Variants in PRH1 observed in about 807,000 individuals in gnomAD.
PRH1 encodes proline rich protein HaeIII subfamily 1.
In PRH1, 7 loss-of-function variants were observed where a neutral mutation model predicts 7.9. That is an observed-to-expected ratio of 0.89 (90% CI 0.50 to 1.67). The LOEUF (loss-of-function observed/expected upper bound fraction) is 1.67. Ranked by LOEUF, PRH1 falls within the 40% of genes most tolerant of loss-of-function variation. The probability of loss-of-function intolerance (pLI) is 0.00; values close to 1 mark genes in which losing one functional copy is unlikely to be tolerated. For missense variants in PRH1, 109 were observed against 223.6 expected, an observed-to-expected ratio of 0.49 and a Z score of 3.27; for synonymous variants, 45 against 80.8, an observed-to-expected ratio of 0.56 and a Z score of 2.38.
At chr12:10,886,167 A>G (rs1292203517), upstream of PRH1, among the ~76,000 whole-genome samples, 1 of 152,096 alleles carries the variant, frequency 6.6e-6, no homozygotes, top group African/African-American at 2.4e-5. Context: ...CGTTATGGAG[A>G]TTATTGTCTC....
rs1243522349 is a variant in PRH1 at position 11,083,049 on chromosome 12, T to C, written n.124-35861A>G. ...CAAAAAATTTGTAATATCAAAATAT[T>C]TTTTCACACATGTGTACACATGCAT... is the stretch of plus-strand genomic sequence containing the variant. On this transcript the variant is annotated intron_variant and non_coding_transcript_variant, in intron 1 of 4. Coordinates refer to the PRH1 transcript ENST00000541977. 2.6e-5 allele frequency among the ~76,000 whole-genome samples: 3 copies of C among 115,388 alleles called. 1 individual carries two copies. The highest frequency in any genetic ancestry group is 8.6e-5 in the African/African-American group (3 of 34,700). The allele number at this position is 115,388 out of a possible 152,430, so 75.7% of individuals were successfully genotyped here.
At chr12:10,997,023 T>C in intron 1 of PRH1, 3 of 1,614,038 alleles carry the variant, frequency 1.9e-6, no homozygotes, top group Non-Finnish European at 2.5e-6. Flanking sequence ...TGCTTTAGCG[T>C]CTTGTTCCCC....
chr12:10,986,604 T>C (rs760877503), intron 1 of PRH1: 1 of 1,614,026 alleles, frequency 6.2e-7, no homozygotes, highest in East Asian at 2.2e-5. Flanking sequence ...AACCCAGGCA[T>C]TATAAGAAGT....
chr12:11,090,110 G>A (rs375182912), intron 1 of PRH1, among the ~76,000 whole-genome samples: 2 of 107,802 alleles, frequency 1.9e-5, no homozygotes, highest in Non-Finnish European at 4.5e-5. Context: ...GCTGTGAACA[G>A]GACTGTACAT....
chr12:11,156,309 T>C (rs1263050960), intron 1 of PRH1, among the ~76,000 whole-genome samples: 3 of 152,242 alleles, frequency 2.0e-5, no homozygotes, highest in Non-Finnish European at 4.4e-5. Context: ...TATTGGTCTT[T>C]GGTTTCCTGT....
intron 2 of PRH1, among the ~76,000 whole-genome samples, chr12:10,945,202 T>G (rs767265190): frequency 6.6e-6 from 1 of 152,190 alleles, no homozygotes; most frequent in South Asian, 2.1e-4. Flanking sequence ...TTTGGGTTCA[T>G]AGGCTATTTA....
upstream of PRH1, among the ~76,000 whole-genome samples, chr12:11,049,495 T>G (rs557394585): frequency 4.9e-4 from 74 of 152,400 alleles, no homozygotes; most frequent in African/African-American, 1.8e-3. Context: ...TCAAATTCAC[T>G]CCTCTTCATA....
At chr12:11,025,372 C>A (rs1392310373) in intron 1 of PRH1, among the ~76,000 whole-genome samples, 4 of 53,082 alleles carry the variant, frequency 7.5e-5, no homozygotes, top group African/African-American at 1.7e-4. Flanking sequence ...AGACATGATT[C>A]CCATTAATCC....
chr12:10,910,964 A>C (rs2135828606), intron 2 of PRH1, among the ~76,000 whole-genome samples: 1 of 152,330 alleles, frequency 6.6e-6, no homozygotes, highest in African/African-American at 2.4e-5. Context: ...ATAACTTAAA[A>C]TAGGTAGATA....
At chr12:11,154,623 C>T (rs1232753627) in intron 1 of PRH1, among the ~76,000 whole-genome samples, 1 of 152,262 alleles carries the variant, frequency 6.6e-6, no homozygotes, top group East Asian at 1.9e-4. Context: ...TGAAGTCACC[C>T]AGGGAATCTC....
At chr12:11,003,220 G>A (rs553941479) in intron 1 of PRH1, among the ~76,000 whole-genome samples, 1 of 151,604 alleles carries the variant, frequency 6.6e-6, no homozygotes, top group South Asian at 2.1e-4. Context: ...CTCTAATTAC[G>A]ATGGTACATG....
At chr12:11,068,868 T>C (rs1335846589) in intron 1 of PRH1, among the ~76,000 whole-genome samples, 4 of 151,656 alleles carry the variant, frequency 2.6e-5, no homozygotes, top group Non-Finnish European at 5.9e-5. Flanking sequence ...AAAATATTAT[T>C]AATACTCCAT....
At chr12:11,133,069 T>A in intron 1 of PRH1, 1 of 530,450 alleles carries the variant, frequency 1.9e-6, no homozygotes. Flanking sequence ...TGGCAGTTTT[T>A]GTGAAAAAAC....
At position 11,053,332 on chromosome 12, in the gene PRH1, A is replaced by T. The variant is rs541700299; in HGVS notation, n.124-6144T>A. Among the ~76,000 whole-genome samples, 9 of 152,316 alleles carry T rather than the reference A, an allele frequency of 5.9e-5. No individual in the cohort carries two copies. In the South Asian group the frequency reaches 1.9e-3, roughly 32 times the overall value. On this transcript the variant is annotated intron_variant and non_coding_transcript_variant, in intron 1 of 4. Transcript: ENST00000541977. ...GTGGGGGAGAGCTTACTTCTGTTTG[A>T]TTTATTTAGCCCTAAAATCCTCTCT... is the stretch of plus-strand genomic sequence containing the variant.
At chr12:11,028,316 G>A (rs1942017404) in intron 1 of PRH1, among the ~76,000 whole-genome samples, 1 of 152,180 alleles carries the variant, frequency 6.6e-6, no homozygotes, top group Non-Finnish European at 1.5e-5. Context: ...ACTAATGCCA[G>A]CTGTGGTTTC....
intron 2 of PRH1, chr12:10,938,424 T>C (rs1950327476): frequency 1.2e-6 from 2 of 1,613,894 alleles, no homozygotes; most frequent in African/African-American, 1.3e-5. Context: ...GAAAGAATAA[T>C]TAGATTTTCC....
chr12:11,164,176 G>A (rs572077534), intron 1 of PRH1, among the ~76,000 whole-genome samples: 1 of 152,292 alleles, frequency 6.6e-6, no homozygotes, highest in Non-Finnish European at 1.5e-5. Flanking sequence ...TAGAAGAGAT[G>A]AGCATTGGAA....
chr12:11,122,969 G>GC (rs1160153380), intron 1 of PRH1, among the ~76,000 whole-genome samples: 12 of 136,612 alleles, frequency 8.8e-5, no homozygotes, highest in Admixed American at 2.3e-4. Context: ...CTTATGATAA[G>GC]TACATCCATA....
intron 1 of PRH1, 85 bp downstream of exon 1, chr12:10,884,069 C>T (rs1186105569): frequency 1.8e-5 from 28 of 1,536,490 alleles, no homozygotes; most frequent in Admixed American, 1.0e-4. Context: ...TCTCATCCTC[C>T]TCTCTTCCCT....
Sources: allele counts gnomAD v4.1 joint callset (sites outside exome capture counted in the v4.1 genomes callset), GRCh38; gene constraint gnomAD v4.1.1; transcripts MANE v1.5; gene names NCBI Gene and HGNC (gene_info 2026-07-23, HGNC 2026-07-21).